Variants in ROR2 observed in about 807,000 individuals in gnomAD.
The protein encoded by ROR2 is tyrosine-protein kinase transmembrane receptor ROR2.
ROR2 carries 33 observed loss-of-function variants against 74.9 expected under a neutral mutation model. That is an observed-to-expected ratio of 0.44 (90% CI 0.33 to 0.59). ROR2 has a LOEUF of 0.59. Among genes scored for constraint, ROR2 ranks in the 20% least tolerant of loss-of-function variants. The pLI, the probability that ROR2 is intolerant of heterozygous loss-of-function variation, is 0.02. For synonymous variants in ROR2, 586 were observed against 558.7 expected (o/e 1.05, Z -0.69); for missense variants, 1,216 against 1,313.8 (o/e 0.93, Z 1.15).
intron 1 of ROR2, among the ~76,000 whole-genome samples, chr9:91,879,436 G>GTGGGTGT (rs1564016095): frequency 4.7e-5 from 7 of 147,398 alleles, no homozygotes; most frequent in African/African-American, 1.9e-4. Flanking sequence ...GTGTGGGTGT[G>GTGGGTGT]GGGGGGTGTG....
At chr9:91,869,669 G>A (rs1055292149) in intron 1 of ROR2, among the ~76,000 whole-genome samples, 1 of 152,120 alleles carries the variant, frequency 6.6e-6, no homozygotes, top group Non-Finnish European at 1.5e-5. Context: ...CTCGTGGGTG[G>A]AGGTAAAGGC....
intron 1 of ROR2, among the ~76,000 whole-genome samples, chr9:91,938,420 CACACTCCAGCCTGGGTGACAGAGTG>C (rs1366613200): frequency 6.6e-6 from 1 of 152,162 alleles, no homozygotes; most frequent in Non-Finnish European, 1.5e-5. Flanking sequence ...ATTGCACCAC[CACACTCCAGCCTGGGTGACAGAGTG>C]ACACTCCATC....
intron 1 of ROR2, among the ~76,000 whole-genome samples, chr9:91,783,715 G>A (rs545157067): frequency 3.3e-5 from 5 of 152,210 alleles, no homozygotes; most frequent in East Asian, 1.9e-4. Flanking sequence ...GCCACTCCAC[G>A]GCTCTGCGAG....
chr9:91,731,102 T>C lies in ROR2; in HGVS notation c.991A>G (p.Thr331Ala). ...GGCTGGCACTGGTGGCCTGACTTGGTGGTGCTTGCCGTTCCTCTGTAATCC... is the reference window on the plus strand; with the variant it reads ...GGCTGGCACTGGTGGCCTGACTTGGCGGTGCTTGCCGTTCCTCTGTAATCC... The part of the protein sequence containing the change: ...GMDYRGTAST[T>A]KSGHQCQPWA... The change falls in exon 7 of 9, where the codon ACC becomes GCC. Residue 331 changes from threonine (T) to alanine (A), a missense_variant. By Grantham distance (58) the Thr-to-Ala change is moderately conservative. Transcript: ENST00000375708. 1 of 1,614,040 alleles carries C rather than the reference T, an allele frequency of 6.2e-7. No homozygotes were observed. The highest frequency in any genetic ancestry group is 8.5e-7 in the Non-Finnish European group (1 of 1,180,010).
At chr9:91,809,244 A>G (rs1052788879) in intron 1 of ROR2, among the ~76,000 whole-genome samples, 3 of 152,124 alleles carry the variant, frequency 2.0e-5, no homozygotes, top group African/African-American at 7.2e-5. Flanking sequence ...GAAAAACCAA[A>G]AGGATACATG....
At chr9:91,805,925 C>T (rs1202185358) in intron 1 of ROR2, among the ~76,000 whole-genome samples, 1 of 152,226 alleles carries the variant, frequency 6.6e-6, no homozygotes, top group Non-Finnish European at 1.5e-5. Context: ...ACTATCACCA[C>T]TCCAGAGAAG....
intron 1 of ROR2, among the ~76,000 whole-genome samples, chr9:91,845,512 C>A (rs1363751624): frequency 2.0e-5 from 3 of 152,142 alleles, no homozygotes; most frequent in Admixed American, 1.3e-4. Flanking sequence ...AACCCCCACC[C>A]TCATGCACAC....
intron 1 of ROR2, among the ~76,000 whole-genome samples, chr9:91,869,058 T>TA (rs1281685126): frequency 2.7e-5 from 4 of 150,552 alleles, no homozygotes; most frequent in South Asian, 4.2e-4. Flanking sequence ...CGTGAATATA[T>TA]TTTTTTTTTC....
At chr9:91,876,695 A>C (rs1829964344) in intron 1 of ROR2, among the ~76,000 whole-genome samples, 1 of 152,246 alleles carries the variant, frequency 6.6e-6, no homozygotes, top group Non-Finnish European at 1.5e-5. Flanking sequence ...CCTTCTTAAA[A>C]TATCATCAGA....
intron 1 of ROR2, among the ~76,000 whole-genome samples, chr9:91,816,621 C>T (rs1827945867): frequency 6.6e-6 from 1 of 152,104 alleles, no homozygotes; most frequent in Non-Finnish European, 1.5e-5. Context: ...CCCACAGCTC[C>T]CCGCTGTGGT....
chr9:91,862,070 T>C (rs1205627973), intron 1 of ROR2, among the ~76,000 whole-genome samples: 1 of 152,046 alleles, frequency 6.6e-6, no homozygotes, highest in Non-Finnish European at 1.5e-5. Context: ...ATGCCTGTAA[T>C]CCCAGCACTT....
intron 2 of ROR2, among the ~76,000 whole-genome samples, chr9:91,763,341 A>C (rs749198774): frequency 1.1e-4 from 16 of 152,204 alleles, no homozygotes; most frequent in Non-Finnish European, 2.2e-4. Flanking sequence ...TTGGAAGGGG[A>C]AAAAAGTATC....
chr9:91,783,292 A>G (rs1410449881), intron 1 of ROR2, among the ~76,000 whole-genome samples: 1 of 152,216 alleles, frequency 6.6e-6, no homozygotes, highest in Non-Finnish European at 1.5e-5. Flanking sequence ...CAGGGACACA[A>G]TTCAACCCAT....
chr9:91,834,850 A>G (rs988640912), intron 1 of ROR2, among the ~76,000 whole-genome samples: 9 of 152,248 alleles, frequency 5.9e-5, no homozygotes, highest in Non-Finnish European at 5.9e-5. Flanking sequence ...GCAGAGCTCA[A>G]GATAAACACA....
rs142919109 is a variant in ROR2 at position 91,732,978 on chromosome 9, C to CT, written c.937+143dup. ...TGCCCTGCTGGAATGGAGGCCTAGG[C>CT]TGTGGGGCCCTCGGCTGCTAAGGGG... is the stretch of plus-strand genomic sequence containing the variant. On this transcript the variant is annotated intron_variant, in intron 6 of 8. Transcript: ENST00000375708. The CT allele has an allele frequency of 2.5e-3, 2,027 of 812,464 alleles. 26 individuals carry two copies. The African/African-American group carries it at 0.031, about 12-fold the overall frequency. The allele number at this position is 812,464 out of a possible 1,614,324, so 50.3% of individuals were successfully genotyped here.
At chr9:91,935,140 C>A (rs1346124272) in intron 1 of ROR2, among the ~76,000 whole-genome samples, 5 of 152,204 alleles carry the variant, frequency 3.3e-5, no homozygotes, top group Non-Finnish European at 4.4e-5. Context: ...TGGGTCCACA[C>A]TGACACCCCC....
intron 2 of ROR2, among the ~76,000 whole-genome samples, chr9:91,765,375 G>A (rs4452868): frequency 0.055 from 8,394 of 151,990 alleles, 322 homozygotes; most frequent in East Asian, 0.1. Context: ...AATCCTTCTG[G>A]CTTCATTGTT....
chr9:91,873,461 G>A (rs968367499), intron 1 of ROR2, among the ~76,000 whole-genome samples: 8 of 152,162 alleles, frequency 5.3e-5, no homozygotes, highest in Admixed American at 1.3e-4. Context: ...TATGGTGGGC[G>A]CCTACATTCC....
At chr9:91,838,132 G>T (rs58039661) in intron 1 of ROR2, among the ~76,000 whole-genome samples, 4,670 of 152,240 alleles carry the variant, frequency 0.031, 243 homozygotes, top group African/African-American at 0.11. Flanking sequence ...CTTAACCTGG[G>T]CATACCTTAT....
Sources: gnomAD v4.1 joint callset for allele counts (sites outside exome capture counted in the v4.1 genomes callset) on GRCh38, gnomAD v4.1.1 for gene constraint, MANE v1.5 for transcripts, NCBI Gene and HGNC (gene_info 2026-07-23, HGNC 2026-07-21) for gene names.